ST8SIA5: variants seen among roughly 807,000 people sequenced by gnomAD.
ST8SIA5 encodes the protein ST8 alpha-N-acetyl-neuraminide alpha-2,8-sialyltransferase 5, also known as alpha-2,8-sialyltransferase 8E.
In ST8SIA5, 24 loss-of-function variants were observed where a neutral mutation model predicts 40.2. The observed-to-expected ratio is 0.60, with a 90% confidence interval of 0.43 to 0.84. The LOEUF is 0.84. ST8SIA5 is among the 40% of genes least tolerant of loss of function. The probability of loss-of-function intolerance (pLI) is 0.00; values close to 1 mark genes in which losing one functional copy is unlikely to be tolerated. For synonymous variants in ST8SIA5, 198 were observed against 201.8 expected (o/e 0.98, Z 0.16); for missense variants, 465 against 498.5 (o/e 0.93, Z 0.64).
intron 2 of ST8SIA5, among the ~76,000 whole-genome samples, chr18:46,698,036 G>C (rs2039573496): frequency 6.6e-6 from 1 of 152,040 alleles, no homozygotes; most frequent in Non-Finnish European, 1.5e-5. Context: ...CACCAGACTA[G>C]CAATCAAACC....
At chr18:46,681,007 T>C (rs2039389564) in intron 6 of ST8SIA5, among the ~76,000 whole-genome samples, 1 of 152,180 alleles carries the variant, frequency 6.6e-6, no homozygotes, top group South Asian at 2.1e-4. Context: ...GGTCTTGCTC[T>C]GTCATCCAGG....
intron 2 of ST8SIA5, among the ~76,000 whole-genome samples, chr18:46,703,347 A>G (rs2039637036): frequency 1.3e-5 from 2 of 151,982 alleles, no homozygotes; most frequent in South Asian, 4.2e-4. Context: ...ATGGGGTTTC[A>G]CTGTGTTAGC....
chr18:46,756,040 T>C (rs548963836), intron 1 of ST8SIA5, among the ~76,000 whole-genome samples: 2 of 152,234 alleles, frequency 1.3e-5, no homozygotes, highest in East Asian at 1.9e-4. Flanking sequence ...CAAATGGCCA[T>C]AGAACTGTGG....
In ST8SIA5 at chr18:46,732,078, C is replaced by T. The variant is rs1046337430; in HGVS notation, c.131+24300G>A. On this transcript the variant is annotated intron_variant, in intron 1 of 6. Transcript: ENST00000315087. ...GTCCAAGAGGGGCAGGAAGTCCAGG[C>T]TTTTATTTTTCATTTCCCAGTTCTT... Among the ~76,000 whole-genome samples the T allele has an allele frequency of 2.0e-5, 3 of 152,282 alleles. No individual in the cohort carries two copies. The East Asian group carries it at 5.8e-4, about 29-fold the overall frequency.
Position 46,668,846 on chromosome 18 carries a change from C to T in ST8SIA5, c.*11196G>A, listed in dbSNP as rs1479352809. ...TAGCCACAGTGAGGGCCAGACGTCC[C>T]ACTGGAGAAGAGTACAGGACGATGG... On this transcript the variant is annotated 3_prime_UTR_variant, in exon 7 of 7. Transcript: ENST00000315087. 1 of 152,246 alleles carries T rather than the reference C, an allele frequency of 6.6e-6. No homozygotes were observed. The highest frequency in any genetic ancestry group is 1.5e-5 in the Non-Finnish European group (1 of 68,074). The allele number at this position is 152,246 out of a possible 1,614,324, so 9.4% of individuals were successfully genotyped here.
intron 1 of ST8SIA5, among the ~76,000 whole-genome samples, chr18:46,753,973 G>A (rs976599772): frequency 6.6e-6 from 1 of 152,156 alleles, no homozygotes; most frequent in Non-Finnish European, 1.5e-5. Flanking sequence ...TGGTCCTCCA[G>A]TTGGTTCTGA....
chr18:46,714,645 C>T (rs2039767935), intron 1 of ST8SIA5, among the ~76,000 whole-genome samples: 1 of 152,108 alleles, frequency 6.6e-6, no homozygotes, highest in African/African-American at 2.4e-5. Context: ...TGGGGCGAAC[C>T]TAGGCCCACT....
At chr18:46,686,950 C>T (rs796499962) in intron 4 of ST8SIA5, among the ~76,000 whole-genome samples, 22 of 152,224 alleles carry the variant, frequency 1.4e-4, no homozygotes, top group African/African-American at 5.1e-4. Flanking sequence ...TTCTGGGCTC[C>T]ATCCCAGCAC....
At chr18:46,691,176 C>T (rs1367933767) in intron 3 of ST8SIA5, among the ~76,000 whole-genome samples, 1 of 152,222 alleles carries the variant, frequency 6.6e-6, no homozygotes, top group Non-Finnish European at 1.5e-5. Context: ...TCTCTGCAAA[C>T]TACTGTCAGG....
intron 1 of ST8SIA5, among the ~76,000 whole-genome samples, chr18:46,748,120 AAAT>A (rs1465050370): frequency 5.3e-5 from 8 of 152,206 alleles, no homozygotes; most frequent in Admixed American, 5.2e-4. Context: ...TATCTAATGT[AAAT>A]AATGAATTGA....
intron 1 of ST8SIA5, among the ~76,000 whole-genome samples, chr18:46,751,302 C>G (rs1163604661): frequency 2.2e-4 from 34 of 152,152 alleles, no homozygotes; most frequent in Non-Finnish European, 1.5e-5. Context: ...TAGCACATTT[C>G]AGAACTTCCT....
chr18:46,692,307 G>A (rs375460521), intron 2 of ST8SIA5, 52 bp from the exon 3 acceptor site: 55 of 1,551,462 alleles, frequency 3.5e-5, no homozygotes, highest in African/African-American at 8.1e-5. Context: ...GGGACAGAGC[G>A]CGATCATTCC....
rs768972328 is a variant in ST8SIA5, at chr18:46,756,523, G to A, written c.-15C>T. ...GCGTAGCGCATCCTGGCTACCGGGC[G>A]CCGCGGGCGCGGGGTACGGGGCGGC... On this transcript the variant is annotated 5_prime_UTR_variant, in exon 1 of 7. Transcript: ENST00000315087. 3 of 1,611,204 alleles carry A rather than the reference G, an allele frequency of 1.9e-6. No homozygotes were observed. The highest frequency in any genetic ancestry group is 1.7e-6 in the Non-Finnish European group (2 of 1,178,436).
At chr18:46,681,794 A>G (rs988521154) in intron 6 of ST8SIA5, among the ~76,000 whole-genome samples, 178 bp downstream of exon 6, 1 of 152,270 alleles carries the variant, frequency 6.6e-6, no homozygotes, top group Non-Finnish European at 1.5e-5. Context: ...TGTAATTAAT[A>G]TAACAAGTTA....
chr18:46,744,617 G>C (rs1461605560), intron 1 of ST8SIA5, among the ~76,000 whole-genome samples: 1 of 152,116 alleles, frequency 6.6e-6, no homozygotes. Flanking sequence ...ATAATAATGG[G>C]AGATTTTCAC....
Position 46,668,120 on chromosome 18 carries a change from G to A in ST8SIA5, c.*11922C>T, listed in dbSNP as rs1710435878. The A allele has an allele frequency of 6.6e-6, 1 of 152,260 alleles. No homozygotes were observed. Among genetic ancestry groups the A allele is most frequent in the South Asian group, 2.1e-4 (1 of 4,834 alleles). The allele number at this position is 152,260 out of a possible 1,614,324, so 9.4% of individuals were successfully genotyped here. The stretch of plus-strand genomic sequence containing the variant: ...GGCCAGGGGAGGGAGAAAATCAGCA[G>A]AGCAAGCAAGGGGCTTTTCATATAG... On this transcript the variant is annotated 3_prime_UTR_variant, in exon 7 of 7. Coordinates refer to ENST00000315087, the MANE Select transcript of ST8SIA5 (RefSeq NM_013305.6).
intron 2 of ST8SIA5, among the ~76,000 whole-genome samples, chr18:46,698,303 A>T (rs2039577328): frequency 6.6e-6 from 1 of 152,032 alleles, no homozygotes; most frequent in African/African-American, 2.4e-5. Flanking sequence ...AACCCACCAC[A>T]CCAACAATCA....
chr18:46,704,495 T>G, intron 2 of ST8SIA5, 77 bp downstream of exon 2: 1 of 1,291,374 alleles, frequency 7.7e-7, no homozygotes, highest in East Asian at 2.3e-5. Flanking sequence ...CTTCCACCCT[T>G]GCCCCCACGC....
At chr18:46,752,137 G>T (rs571867319) in intron 1 of ST8SIA5, among the ~76,000 whole-genome samples, 1 of 152,076 alleles carries the variant, frequency 6.6e-6, no homozygotes, top group Admixed American at 6.6e-5. Context: ...GCTCAAACTC[G>T]GTTTCATCCC....
Sources: gnomAD v4.1 joint callset for allele counts (sites outside exome capture counted in the v4.1 genomes callset) on GRCh38, gnomAD v4.1.1 for gene constraint, MANE v1.5 for transcripts, NCBI Gene and HGNC (gene_info 2026-07-23, HGNC 2026-07-21) for gene names.